The following NRG3 variants were observed in gnomAD, a reference collection of about 807,000 sequenced individuals.
NRG3 encodes the protein neuregulin 3, also known as pro-neuregulin-3, membrane-bound isoform.
Under a neutral mutation model 66.9 loss-of-function variants are expected in NRG3, and 31 were observed. The observed-to-expected ratio is 0.46, with a 90% CI of 0.35 to 0.63. The LOEUF is 0.63. Among genes scored for constraint, NRG3 ranks in the 20% least tolerant of loss-of-function variants. The pLI is 0.00. For missense variants in NRG3, 910 were observed against 878.9 expected, an observed-to-expected ratio of 1.04 and a Z score of -0.45; for synonymous variants, 393 against 359.4, an observed-to-expected ratio of 1.09 and a Z score of -1.06.
intron 1 of NRG3, among the ~76,000 whole-genome samples, chr10:82,113,347 G>A (rs558697219): frequency 6.6e-6 from 1 of 152,236 alleles, no homozygotes; most frequent in Non-Finnish European, 1.5e-5. Context: ...CAGAGCCCCC[G>A]CTCCTGATCA....
At chr10:82,592,954 G>C (rs1029055686) in intron 2 of NRG3, among the ~76,000 whole-genome samples, 2 of 152,122 alleles carry the variant, frequency 1.3e-5, no homozygotes, top group African/African-American at 2.4e-5. Flanking sequence ...ATATCTTCTA[G>C]GTACTTGAAG....
chr10:82,827,703 G>A (rs899660971), intron 3 of NRG3, among the ~76,000 whole-genome samples: 7 of 152,108 alleles, frequency 4.6e-5, no homozygotes, highest in East Asian at 1.9e-4. Flanking sequence ...CCAAAACAAC[G>A]GTTAATTCAC....
chr10:81,920,346 T>G (rs1270916064), intron 1 of NRG3, among the ~76,000 whole-genome samples: 2 of 152,020 alleles, frequency 1.3e-5, no homozygotes, highest in Non-Finnish European at 2.9e-5. Flanking sequence ...TTGATTGGAG[T>G]TTTGAAGAAT....
chr10:82,624,780 G>T (rs1244414485), intron 2 of NRG3, among the ~76,000 whole-genome samples: 2 of 147,500 alleles, frequency 1.4e-5, no homozygotes, highest in African/African-American at 4.9e-5. Context: ...GTACCAGGTT[G>T]GTGCTTTTTA....
At chr10:82,130,912 G>C (rs956446629) in intron 1 of NRG3, among the ~76,000 whole-genome samples, 6 of 152,026 alleles carry the variant, frequency 3.9e-5, no homozygotes, top group Admixed American at 6.6e-5. Context: ...CTATGGAGTT[G>C]TTTGAGCTCC....
chr10:82,459,050 C>T (rs2091397507), intron 2 of NRG3, among the ~76,000 whole-genome samples: 1 of 152,178 alleles, frequency 6.6e-6, no homozygotes, highest in Non-Finnish European at 1.5e-5. Context: ...TGCTCCATCA[C>T]CATGGCAGGG....
chr10:82,549,180 A>G lies in NRG3; in HGVS notation c.954-189397A>G, dbSNP rs551013781. Among the ~76,000 whole-genome samples the G allele has an allele frequency of 2.5e-4, 38 of 152,360 alleles. 1 individual carries two copies. The South Asian group carries it at 7.5e-3, about 30-fold the overall frequency. ...GCTCATTTGAAGATTAGACAAAGTA[A>G]TATACATGTGTAAAACACAAAGGAT... On this transcript the variant is annotated intron_variant, in intron 2 of 8. Transcript: ENST00000372141.
chr10:82,250,016 A>C (rs926871096), intron 1 of NRG3, among the ~76,000 whole-genome samples: 2 of 152,180 alleles, frequency 1.3e-5, no homozygotes, highest in Admixed American at 1.3e-4. Flanking sequence ...CAGAATAAGA[A>C]GTACTTCCTC....
At chr10:82,447,281 G>T (rs958987270) in intron 2 of NRG3, among the ~76,000 whole-genome samples, 7 of 152,140 alleles carry the variant, frequency 4.6e-5, no homozygotes, top group Non-Finnish European at 1.0e-4. Flanking sequence ...GCCACGGAGT[G>T]CAGGCAACCA....
At chr10:81,923,905 A>T (rs1438902387) in intron 1 of NRG3, among the ~76,000 whole-genome samples, 4 of 152,134 alleles carry the variant, frequency 2.6e-5, no homozygotes, top group Non-Finnish European at 5.9e-5. Context: ...GAGAATATTT[A>T]TAGGGTGAGC....
At chr10:82,608,028 T>G in intron 2 of NRG3, among the ~76,000 whole-genome samples, 1 of 152,302 alleles carries the variant, frequency 6.6e-6, no homozygotes, top group African/African-American at 2.4e-5. Flanking sequence ...ATTCCTTTTC[T>G]AATGCTCTTC....
At chr10:82,657,412 T>G (rs564870443) in intron 2 of NRG3, among the ~76,000 whole-genome samples, 1 of 152,286 alleles carries the variant, frequency 6.6e-6, no homozygotes, top group South Asian at 2.1e-4. Context: ...ATTTTTTCTT[T>G]TTTAGATGTC....
Position 82,378,965 on chromosome 10 carries a change from A to G in NRG3, c.953+20097A>G, listed in dbSNP as rs1236068637. 3.9e-5 allele frequency among the ~76,000 whole-genome samples: 6 copies of G among 152,136 alleles called. No individual in the cohort carries two copies. The East Asian group carries it at 1.2e-3, about 29-fold the overall frequency. ...CTCAGACTATAAGGATAAGAGCACT[A>G]GAAGATCTGAGTAGTATTCGTGGAT... On this transcript the variant is annotated intron_variant, in intron 2 of 8. Coordinates refer to ENST00000372141, the MANE Select transcript of NRG3 (RefSeq NM_001010848.4).
chr10:82,696,033 C>T (rs2055354434), intron 2 of NRG3, among the ~76,000 whole-genome samples: 1 of 152,164 alleles, frequency 6.6e-6, no homozygotes, highest in African/African-American at 2.4e-5. Context: ...TGTGTGGATG[C>T]AACATTTCTT....
intron 2 of NRG3, among the ~76,000 whole-genome samples, chr10:82,518,585 C>T (rs1238047740): frequency 6.6e-6 from 1 of 152,016 alleles, no homozygotes; most frequent in Non-Finnish European, 1.5e-5. Context: ...TTTTATTTGG[C>T]CTTACACATG....
intron 3 of NRG3, among the ~76,000 whole-genome samples, chr10:82,799,399 AC>A (rs1325724224): frequency 1.3e-5 from 2 of 151,892 alleles, no homozygotes; most frequent in Non-Finnish European, 2.9e-5. Context: ...GTTGGCTTGT[AC>A]CAGTAATCCC....
intron 2 of NRG3, among the ~76,000 whole-genome samples, chr10:82,526,678 TC>T (rs1244937242): frequency 6.6e-6 from 1 of 151,862 alleles, no homozygotes; most frequent in Non-Finnish European, 1.5e-5. Flanking sequence ...AAGGTTTGAG[TC>T]CTCCAATCCT....
intron 2 of NRG3, among the ~76,000 whole-genome samples, chr10:82,669,621 A>T (rs866648651): frequency 4.6e-5 from 7 of 152,270 alleles, no homozygotes; most frequent in South Asian, 4.1e-4. Context: ...CAAAAATGTG[A>T]AATGAGAATT....
At chr10:82,418,592 T>A (rs373643089) in intron 2 of NRG3, among the ~76,000 whole-genome samples, 1 of 152,080 alleles carries the variant, frequency 6.6e-6, no homozygotes, top group Non-Finnish European at 1.5e-5. Flanking sequence ...CCCTCCAGTG[T>A]AAAGACTTTT....
Sources: allele counts gnomAD v4.1 joint callset (sites outside exome capture counted in the v4.1 genomes callset), GRCh38; gene constraint gnomAD v4.1.1; transcripts MANE v1.5; gene names NCBI Gene and HGNC (gene_info 2026-07-23, HGNC 2026-07-21).